PCDH12: variants seen among roughly 807,000 people sequenced by gnomAD.
The protein encoded by PCDH12 is protocadherin-12.
PCDH12 carries 45 observed loss-of-function variants against 70.9 expected under a neutral mutation model. The observed-to-expected ratio is 0.63, with a 90% CI of 0.50 to 0.81. PCDH12 has a LOEUF of 0.81. Among genes scored for constraint, PCDH12 ranks in the 40% least tolerant of loss-of-function variants. The pLI, the probability that PCDH12 is intolerant of heterozygous loss-of-function variation, is 0.00. For synonymous variants in PCDH12, 567 were observed against 626.0 expected (o/e 0.91, Z 1.41); for missense variants, 1,370 against 1,491.7 (o/e 0.92, Z 1.34).
chr5:141,954,489 A>T (rs164086), intron 1 of PCDH12, among the ~76,000 whole-genome samples: 18 of 152,106 alleles, frequency 1.2e-4, no homozygotes, highest in African/African-American at 4.3e-4. Context: ...TTTATTTTCA[A>T]GCAAACTTAG....
chr5:141,949,527 G>C lies in PCDH12; in HGVS notation c.3035C>G (p.Pro1012Arg). Residue 1012 changes from proline to arginine, a missense_variant, in exon 3 of 4, where the codon CCA becomes CGA. Physicochemically the swap from Pro to Arg is moderately radical, Grantham distance 103 (BLOSUM62 -2). Transcript: ENST00000231484. ...PSARAGGQTD[P>R]EQEEGPLDPE... The stretch of plus-strand genomic sequence containing the variant: ...ATCCAAAGGCCCTTCCTCCTGTTCT[G>C]GGTCTGTCTGGCCTCCAGCCCTTGC... 2 of 1,614,178 alleles carry C rather than the reference G, an allele frequency of 1.2e-6. No individual in the cohort carries two copies. The highest frequency in any genetic ancestry group is 8.5e-7 in the Non-Finnish European group (1 of 1,180,018).
rs202168396 is a variant in PCDH12 at position 141,945,771 on chromosome 5, C to T, written c.3165G>A (p.Pro1055=). 7.1e-5 allele frequency: 114 copies of T among 1,613,574 alleles called. No individual in the cohort carries two copies. The highest frequency in any genetic ancestry group is 8.4e-5 in the Non-Finnish European group (99 of 1,179,944). The change falls in exon 4 of 4, where the codon CCG becomes CCA. Residue 1055 remains proline, a synonymous_variant. Transcript: ENST00000231484. ...LALDRLSAPD[P]AWMARLSLPL... is the part of the protein sequence containing the mutation. ...GCAAAGAGAGTCTCGCCATCCAGGC[C>T]GGGTCAGGGGCGCTCAGCCGGTCCA...
At chr5:141,951,620 A>ACACAATTCCGACTCAG in intron 1 of PCDH12, 30 bp from the exon 2 acceptor site, 1 of 1,512,238 alleles carries the variant, frequency 6.6e-7, no homozygotes, top group Non-Finnish European at 9.2e-7. Flanking sequence ...TGTTGACTCC[A>ACACAATTCCGACTCAG]CACAATTCCG....
intron 3 of PCDH12, among the ~76,000 whole-genome samples, chr5:141,947,253 T>C (rs528948832): frequency 6.6e-6 from 1 of 152,242 alleles, no homozygotes; most frequent in Non-Finnish European, 1.5e-5. Context: ...GCCTGGGACT[T>C]AGTGAATGTT....
chr5:141,957,720 T>C lies in PCDH12; in HGVS notation c.132A>G (p.Thr44=), dbSNP rs1379138709. ...GTTCCTGGGACAGCTTCCCGATCAC[T>C]GTACCAGATGGCACTTCCTCTGACA... The part of the protein sequence containing the change: ...YQVSEEVPSG[T]VIGKLSQELG... Residue 44 remains threonine (T), a synonymous_variant, in exon 1 of 4, where the codon ACA becomes ACG. Transcript: ENST00000231484. This position sits in a 1 kb window ranked among gnomAD's most constrained non-coding sequence, Gnocchi z 4.3. 1 of 1,613,958 alleles carries C rather than the reference T, an allele frequency of 6.2e-7. No homozygotes were observed. Among genetic ancestry groups the C allele is most frequent in the African/African-American group, 1.3e-5 (1 of 74,920 alleles).
In PCDH12 at chr5:141,955,699, G is replaced by T. The variant is rs147575499; in HGVS notation, c.2153C>A (p.Thr718Lys). 3.7e-6 allele frequency: 6 copies of T among 1,614,144 alleles called. No homozygotes were observed. The East Asian group carries it at 1.1e-4, about 30-fold the overall frequency. Residue 718 changes from threonine to lysine, a missense_variant, in exon 1 of 4, where the codon ACG (threonine) becomes AAG (lysine). Transcript: ENST00000231484. The surrounding 1 kb of genome is among the most constrained non-coding windows in gnomAD (Gnocchi z 5.5). ...KPGALSMSML[T>K]VICLAVLLGI... ...CAACAGTACAGCCAGGCAGATCACCGTCAGCATCGACATGCTCAAGGCCCC... is the reference window on the plus strand; with the variant it reads ...CAACAGTACAGCCAGGCAGATCACCTTCAGCATCGACATGCTCAAGGCCCC...
intron 3 of PCDH12, among the ~76,000 whole-genome samples, chr5:141,949,025 G>A (rs1219284154): frequency 6.7e-6 from 1 of 148,640 alleles, no homozygotes; most frequent in Non-Finnish European, 1.5e-5. Flanking sequence ...ACCAGCCTGG[G>A]CAACAGGTGA....
rs1381908307 is a variant in PCDH12, at chr5:141,943,670, C to G, written c.*1711G>C. The G allele has an allele frequency of 2.0e-5, 3 of 152,184 alleles. No homozygotes were observed. The highest frequency in any genetic ancestry group is 4.4e-5 in the Non-Finnish European group (3 of 68,032). The allele number at this position is 152,184 out of a possible 1,614,324, so 9.4% of individuals were successfully genotyped here. ...CTATTCATCAAGTGTTGCTTTGTAG[C>G]AGGCACCTGGCTGGTCAGGCTGGAG... On this transcript the variant is annotated 3_prime_UTR_variant, in exon 4 of 4. Transcript: ENST00000231484.
chr5:141,949,227 C>T lies in PCDH12; in HGVS notation c.3130+205G>A, dbSNP rs183432397. 3.6e-5 allele frequency: 25 copies of T among 702,252 alleles called. No individual in the cohort carries two copies. The African/African-American group carries it at 4.1e-4, about 11-fold the overall frequency. The allele number at this position is 702,252 out of a possible 1,614,324, so 43.5% of individuals were successfully genotyped here. A position where few individuals can be genotyped will look rare whatever the true frequency, so the allele number is the denominator to read the frequency against. ...TCCAGCCTGGGTGACAGAGCAAGAC[C>T]CTGTCTAAAAAAAAAAAAAATCAAA... On this transcript the variant is annotated intron_variant, in intron 3 of 3. Transcript: ENST00000231484.
rs142624712 is a variant in PCDH12 at position 141,957,016 on chromosome 5, A to T, written c.836T>A (p.Val279Glu). The T allele has an allele frequency of 1.2e-6, 2 of 1,613,948 alleles. No homozygotes were observed. The highest frequency in any genetic ancestry group is 1.7e-6 in the Non-Finnish European group (2 of 1,180,012). ...CATGTGCTTACTGAGGAAGAACTCCACCTCCCCATTGGGGCCTTGGTCAGG... is the reference window on the plus strand; with the variant it reads ...CATGTGCTTACTGAGGAAGAACTCCTCCTCCCCATTGGGGCCTTGGTCAGG... ...TDPDQGPNGE[V>E]EFFLSKHMPP... Residue 279 changes from valine (V) to glutamate (E), a missense_variant, in exon 1 of 4, where the codon GTG becomes GAG. By Grantham distance (121) the Val-to-Glu change is moderately radical (BLOSUM62 -2). Coordinates refer to ENST00000231484, the MANE Select transcript of PCDH12 (RefSeq NM_016580.4). This position sits in a 1 kb window ranked among gnomAD's most constrained non-coding sequence, Gnocchi z 4.3.
chr5:141,945,365 G>A lies in PCDH12; in HGVS notation c.*16C>T, dbSNP rs1260532833. On this transcript the variant is annotated 3_prime_UTR_variant, in exon 4 of 4. Coordinates refer to ENST00000231484, the MANE Select transcript of PCDH12 (RefSeq NM_016580.4). ...CAGGCCCCTGGTTCTTGGATCCAGA[G>A]GCGTCTGAGGTATGTTCACAGGCAC... 2.5e-6 allele frequency: 4 copies of A among 1,575,472 alleles called. No individual in the cohort carries two copies. The highest frequency in any genetic ancestry group is 3.5e-6 in the Non-Finnish European group (4 of 1,157,558).
At position 141,956,222 on chromosome 5, in the gene PCDH12, T is replaced by C. The variant is rs1222934955; in HGVS notation, c.1630A>G (p.Met544Val). Reference protein sequence around the residue: ...QVIAEDSGQPMLASSVSVWVS... With the variant: ...QVIAEDSGQPVLASSVSVWVS... ...CACACAGAGACACTGGATGCAAGCA[T>C]GGGTTGCCCGCTGTCCTCTGCGATC... The change falls in exon 1 of 4, where the codon ATG (methionine) becomes GTG (valine). Residue 544 changes from methionine (M) to valine (V), a missense_variant. By Grantham distance (21) the Met-to-Val change is conservative. Transcript: ENST00000231484. The C allele has an allele frequency of 1.9e-6, 3 of 1,614,188 alleles. No individual in the cohort carries two copies. Among genetic ancestry groups the C allele is most frequent in the Middle Eastern group, 1.6e-4 (1 of 6,062 alleles).
chr5:141,947,432 A>G (rs77175668), intron 3 of PCDH12, among the ~76,000 whole-genome samples: 1,798 of 152,306 alleles, frequency 0.012, 33 homozygotes, highest in African/African-American at 0.041. Flanking sequence ...GAAGCTTGGA[A>G]TGAGAAAATC....
At position 141,957,028 on chromosome 5, in the gene PCDH12, G is replaced by A. The variant is rs1185594585; in HGVS notation, c.824C>T (p.Pro275Leu). Residue 275 changes from proline to leucine, a missense_variant, in exon 1 of 4, where the codon CCC becomes CTC. Transcript: ENST00000231484. The surrounding 1 kb of genome is among the most constrained non-coding windows in gnomAD (Gnocchi z 4.3). ...GAGGAAGAACTCCACCTCCCCATTGGGGCCTTGGTCAGGGTCTGTGGCGGT... is the reference window on the plus strand; with the variant it reads ...GAGGAAGAACTCCACCTCCCCATTGAGGCCTTGGTCAGGGTCTGTGGCGGT... Reference protein sequence around the residue: ...KLTATDPDQGPNGEVEFFLSK... With the variant: ...KLTATDPDQGLNGEVEFFLSK... 1 of 1,614,172 alleles carries A rather than the reference G, an allele frequency of 6.2e-7. No individual in the cohort carries two copies. The highest frequency in any genetic ancestry group is 1.7e-5 in the Admixed American group (1 of 60,024).
chr5:141,954,963 C>G lies in PCDH12; in HGVS notation c.2880+9G>C. 1 of 1,603,698 alleles carries G rather than the reference C, an allele frequency of 6.2e-7. No individual in the cohort carries two copies. The highest frequency in any genetic ancestry group is 8.5e-7 in the Non-Finnish European group (1 of 1,173,280). ...TGACCAGAGAAAGAGCTGCCCATGC[C>G]CCAGGTACCTGAACAGGAGGAGAAT... is the stretch of plus-strand genomic sequence containing the variant. On this transcript the variant is annotated intron_variant, in intron 1 of 3. Transcript: ENST00000231484.
chr5:141,945,811 G>A lies in PCDH12; in HGVS notation c.3131-6C>T. ...CAGCCGGTCCAGGGCCAGACCTGTGGGGGAAGGAGGGGACACAGTGAGGGC... is the reference window on the plus strand; with the variant it reads ...CAGCCGGTCCAGGGCCAGACCTGTGAGGGAAGGAGGGGACACAGTGAGGGC... On this transcript the variant is annotated splice_region_variant and splice_polypyrimidine_tract_variant and intron_variant, in intron 3 of 3. Coordinates refer to ENST00000231484, the MANE Select transcript of PCDH12 (RefSeq NM_016580.4). 6.2e-7 allele frequency: 1 copy of A among 1,607,338 alleles called. No individual in the cohort carries two copies. The highest frequency in any genetic ancestry group is 2.2e-5 in the East Asian group (1 of 44,834).
intron 1 of PCDH12, 94 bp downstream of exon 1, chr5:141,954,878 G>T: frequency 6.8e-7 from 1 of 1,463,284 alleles, no homozygotes. Context: ...GCCTAAGGAA[G>T]AAACATGAGG....
rs1753031692 is a variant in PCDH12, at chr5:141,949,576, T to C, written c.2986A>G (p.Ile996Val). The C allele has an allele frequency of 1.2e-6, 2 of 1,613,306 alleles. No individual in the cohort carries two copies. The highest frequency in any genetic ancestry group is 2.2e-5 in the South Asian group (2 of 90,982). ...GCACTTGGGCCATCTGTGTCTGGGATTGCACTCCTGCAAAAGAAACCAACC... is the reference window on the plus strand; with the variant it reads ...GCACTTGGGCCATCTGTGTCTGGGACTGCACTCCTGCAAAAGAAACCAACC... ...LAKPGGSRSA[I>V]PDTDGPSARA... Residue 996 changes from isoleucine (I) to valine (V), a missense_variant, in exon 3 of 4, where the codon ATC (isoleucine) becomes GTC (valine). By Grantham distance (29) the Ile-to-Val change is conservative. Transcript: ENST00000231484.
Position 141,956,998 on chromosome 5 carries a change from T to G in PCDH12, c.854A>C (p.Lys285Thr). 1 of 1,614,196 alleles carries G rather than the reference T, an allele frequency of 6.2e-7. No homozygotes were observed. Among genetic ancestry groups the G allele is most frequent in the Non-Finnish European group, 8.5e-7 (1 of 1,180,038 alleles). Residue 285 changes from lysine (K) to threonine (T), a missense_variant, in exon 1 of 4, where the codon AAG (lysine) becomes ACG (threonine). By Grantham distance (78) the Lys-to-Thr change is moderately conservative (BLOSUM62 -1). Coordinates refer to ENST00000231484, the MANE Select transcript of PCDH12 (RefSeq NM_016580.4). ...PNGEVEFFLS[K>T]HMPPEVLDTF... Reference sequence around the variant, plus strand: ...GTCCAGCACCTCTGGAGGCATGTGCTTACTGAGGAAGAACTCCACCTCCCC... The same window carrying G: ...GTCCAGCACCTCTGGAGGCATGTGCGTACTGAGGAAGAACTCCACCTCCCC...
Sources: allele counts gnomAD v4.1 joint callset (sites outside exome capture counted in the v4.1 genomes callset), GRCh38; gene constraint gnomAD v4.1.1; non-coding constraint Gnocchi (gnomAD v3.1); transcripts MANE v1.5; gene names NCBI Gene and HGNC (gene_info 2026-07-23, HGNC 2026-07-21).